CLSTN2: variants seen among roughly 807,000 people sequenced by gnomAD.
The protein encoded by CLSTN2 is calsyntenin-2.
In CLSTN2, 48 loss-of-function variants were observed where a neutral mutation model predicts 101.2. That is an observed-to-expected ratio of 0.47 (90% CI 0.38 to 0.60). CLSTN2 has a LOEUF of 0.60. CLSTN2 is among the 20% of genes least tolerant of loss of function. The pLI, the probability that CLSTN2 is intolerant of heterozygous loss-of-function variation, is 0.00. For synonymous variants in CLSTN2, 481 were observed against 463.6 expected (o/e 1.04, Z -0.48); for missense variants, 1,160 against 1,238.2 (o/e 0.94, Z 0.95).
intron 2 of CLSTN2, among the ~76,000 whole-genome samples, chr3:140,320,620 G>GC (rs1553731722): frequency 0.043 from 6,233 of 146,154 alleles, 405 homozygotes; most frequent in African/African-American, 0.14. Flanking sequence ...GCGGGGGGGG[G>GC]CAGGGGTCAA....
chr3:139,997,777 A>G (rs1296058593), intron 1 of CLSTN2, among the ~76,000 whole-genome samples: 1 of 152,188 alleles, frequency 6.6e-6, no homozygotes. Flanking sequence ...TCAAATGTAC[A>G]TTTAGAGTCA....
intron 8 of CLSTN2, among the ~76,000 whole-genome samples, chr3:140,514,917 CTCTATCTTTT>C (rs1186336417): frequency 1.3e-5 from 2 of 151,936 alleles, no homozygotes; most frequent in Non-Finnish European, 2.9e-5. Context: ...CTCTCTCTTT[CTCTATCTTTT>C]GGAATAGTTT....
chr3:140,071,582 A>G (rs1002923903), intron 1 of CLSTN2, among the ~76,000 whole-genome samples: 4 of 152,254 alleles, frequency 2.6e-5, no homozygotes, highest in African/African-American at 9.6e-5. Flanking sequence ...CTGTAATCCC[A>G]GCCCTTTGGG....
chr3:140,349,279 C>T (rs1040957326), intron 2 of CLSTN2, among the ~76,000 whole-genome samples: 5 of 152,130 alleles, frequency 3.3e-5, no homozygotes, highest in African/African-American at 7.2e-5. Context: ...TACCCAGTCT[C>T]GGGCAGTTTT....
chr3:140,507,629 A>T (rs1934710715), intron 8 of CLSTN2: 2 of 151,862 alleles, frequency 1.3e-5, no homozygotes, highest in Admixed American at 6.6e-5. Flanking sequence ...CTTCACCATC[A>T]CTTTCTGATC....
intron 1 of CLSTN2, among the ~76,000 whole-genome samples, chr3:139,980,655 A>G (rs1462404460): frequency 3.3e-5 from 5 of 152,046 alleles, no homozygotes; most frequent in Admixed American, 6.6e-5. Context: ...TAGTTTATTT[A>G]TCTTCTCCTC....
chr3:140,345,589 T>C (rs1427328042), intron 2 of CLSTN2, among the ~76,000 whole-genome samples: 1 of 148,872 alleles, frequency 6.7e-6, no homozygotes, highest in Non-Finnish European at 1.5e-5. Context: ...TCATTGGTGA[T>C]TATGTGTGGA....
At chr3:140,492,789 G>C (rs959815520) in intron 8 of CLSTN2, among the ~76,000 whole-genome samples, 2 of 152,142 alleles carry the variant, frequency 1.3e-5, no homozygotes, top group African/African-American at 4.8e-5. Flanking sequence ...CTCATAGTAG[G>C]GGCTCTGTAA....
chr3:140,220,185 G>A (rs562113824), intron 2 of CLSTN2, among the ~76,000 whole-genome samples: 14 of 152,278 alleles, frequency 9.2e-5, no homozygotes, highest in African/African-American at 3.1e-4. Flanking sequence ...TGCAAATTGG[G>A]CTGTCATAGA....
intron 1 of CLSTN2, among the ~76,000 whole-genome samples, chr3:140,085,510 G>T (rs995212118): frequency 3.9e-5 from 6 of 152,132 alleles, no homozygotes; most frequent in Non-Finnish European, 8.8e-5. Context: ...GAGGCCAGTT[G>T]GGCTGTGGAC....
At chr3:140,317,478 C>A (rs2087240699) in intron 2 of CLSTN2, among the ~76,000 whole-genome samples, 1 of 152,098 alleles carries the variant, frequency 6.6e-6, no homozygotes, top group Non-Finnish European at 1.5e-5. Context: ...AGGAGTGTGC[C>A]TTCTGTAAAA....
chr3:139,971,633 G>C (rs150183267), intron 1 of CLSTN2, among the ~76,000 whole-genome samples: 2 of 152,312 alleles, frequency 1.3e-5, no homozygotes, highest in East Asian at 3.9e-4. Flanking sequence ...GTGAGCCAAG[G>C]CTTACCCAGA....
chr3:140,324,484 TA>T (rs1185802739), intron 2 of CLSTN2, among the ~76,000 whole-genome samples: 1 of 152,176 alleles, frequency 6.6e-6, no homozygotes, highest in Non-Finnish European at 1.5e-5. Context: ...AAATTATGTA[TA>T]GGGAAAAAGA....
At chr3:140,304,404 A>T (rs1156949785) in intron 2 of CLSTN2, among the ~76,000 whole-genome samples, 1 of 152,208 alleles carries the variant, frequency 6.6e-6, no homozygotes, top group African/African-American at 2.4e-5. Flanking sequence ...ATGCCAACTG[A>T]TTCAGCTCCT....
intron 1 of CLSTN2, among the ~76,000 whole-genome samples, chr3:140,059,954 G>A (rs1278704897): frequency 6.6e-6 from 1 of 152,112 alleles, no homozygotes; most frequent in Non-Finnish European, 1.5e-5. Flanking sequence ...ATCTGGGGAG[G>A]AACTGGCATA....
intron 2 of CLSTN2, among the ~76,000 whole-genome samples, chr3:140,273,997 A>G (rs1175984607): frequency 6.6e-6 from 1 of 152,116 alleles, no homozygotes; most frequent in Non-Finnish European, 1.5e-5. Flanking sequence ...CTCAGGTGAC[A>G]TATGTTAAGC....
In CLSTN2 at chr3:140,566,352, T is replaced by C; in HGVS notation, c.*99T>C. On this transcript the variant is annotated 3_prime_UTR_variant, in exon 17 of 17. Transcript: ENST00000458420. ...TACCTCACCTCTGATGTCTGTGACATGTCTGGGAAGGCCTTCTCCAGCTTC... is the reference window on the plus strand; with the variant it reads ...TACCTCACCTCTGATGTCTGTGACACGTCTGGGAAGGCCTTCTCCAGCTTC... 1 of 1,269,280 alleles carries C rather than the reference T, an allele frequency of 7.9e-7. No individual in the cohort carries two copies. The highest frequency in any genetic ancestry group is 1.4e-5 in the South Asian group (1 of 72,662). 78.6% of individuals were successfully genotyped at this position (1,269,280 alleles called of 1,614,324 possible). A position where few individuals can be genotyped will look rare whatever the true frequency, so the allele number is the denominator to read the frequency against.
At chr3:140,054,510 G>A (rs2008060211) in intron 1 of CLSTN2, among the ~76,000 whole-genome samples, 1 of 152,098 alleles carries the variant, frequency 6.6e-6, no homozygotes, top group Non-Finnish European at 1.5e-5. Flanking sequence ...GAGATGACTT[G>A]TAAACCTAGA....
chr3:140,108,075 GT>G lies in CLSTN2; in HGVS notation c.110-67875del, dbSNP rs1351797741. 2.0e-5 allele frequency among the ~76,000 whole-genome samples: 3 copies of G among 152,128 alleles called. No homozygotes were observed. In the East Asian group the frequency reaches 5.8e-4, roughly 29 times the overall value. ...TGGCCTGTTGTGTTCTAGGAATGAC[GT>G]GTTCCTCTTCAGTGTGTAGAGAATA... On this transcript the variant is annotated intron_variant, in intron 1 of 16. Transcript: ENST00000458420.
Sources: gnomAD v4.1 joint callset for allele counts (sites outside exome capture counted in the v4.1 genomes callset) on GRCh38, gnomAD v4.1.1 for gene constraint, MANE v1.5 for transcripts, NCBI Gene and HGNC (gene_info 2026-07-23, HGNC 2026-07-21) for gene names.